AKNAD1: variants seen among roughly 807,000 people sequenced by gnomAD.
The protein encoded by AKNAD1 is AKNA domain containing 1, also known as protein AKNAD1.
AKNAD1 carries 67 observed loss-of-function variants against 90.8 expected under a neutral mutation model. The observed-to-expected ratio is 0.74, with a 90% CI of 0.61 to 0.90. The LOEUF (loss-of-function observed/expected upper bound fraction) is 0.90. Among genes scored for constraint, AKNAD1 ranks in the 40% least tolerant of loss-of-function variants. The probability of loss-of-function intolerance (pLI) is 0.00; values close to 1 mark genes in which losing one functional copy is unlikely to be tolerated. For missense variants in AKNAD1, 957 were observed against 975.4 expected (o/e 0.98, Z 0.25); for synonymous variants, 327 against 341.4 (o/e 0.96, Z 0.46).
At chr1:108,844,397 T>TATATATATATATATATATATATATAC (rs1557835399) in intron 5 of AKNAD1, among the ~76,000 whole-genome samples, 2 of 147,628 alleles carry the variant, frequency 1.4e-5, no homozygotes, top group African/African-American at 5.1e-5. Flanking sequence ...TATATATATA[T>TATATATATATATATATATATATATAC]ACCAAAGCCA....
At chr1:108,825,710 C>T (rs1274900340) in intron 11 of AKNAD1, among the ~76,000 whole-genome samples, 2 of 151,242 alleles carry the variant, frequency 1.3e-5, no homozygotes, top group Admixed American at 6.6e-5. Context: ...TTTGCTTGTG[C>T]AAATCATTTA....
intron 1 of AKNAD1, among the ~76,000 whole-genome samples, chr1:108,854,646 A>G (rs1381539004): frequency 1.3e-5 from 2 of 152,214 alleles, no homozygotes; most frequent in Non-Finnish European, 2.9e-5. Context: ...GTGGAGAGAA[A>G]GGAGAATATC....
intron 5 of AKNAD1, among the ~76,000 whole-genome samples, chr1:108,845,692 G>A (rs565676158): frequency 6.6e-6 from 1 of 152,336 alleles, no homozygotes; most frequent in South Asian, 2.1e-4. Context: ...CTCAGCTTGG[G>A]AAGTGAGAAG....
intron 6 of AKNAD1, among the ~76,000 whole-genome samples, chr1:108,839,675 A>G (rs918769184): frequency 1.1e-4 from 16 of 152,292 alleles, no homozygotes; most frequent in African/African-American, 3.8e-4. Context: ...TCTCTTGATG[A>G]AGCTTATCTA....
chr1:108,834,443 T>C lies in AKNAD1; in HGVS notation c.1746+4A>G. ...CCAGCCAGGCCCCGGCTGCAGGACA[T>C]TACCCCAGAGTTAGAAGACAGCCTC... On this transcript the variant is annotated splice_donor_region_variant and intron_variant, in intron 9 of 15. Transcript: ENST00000370001. 1 of 1,606,240 alleles carries C rather than the reference T, an allele frequency of 6.2e-7. No individual in the cohort carries two copies. Among genetic ancestry groups the C allele is most frequent in the South Asian group, 1.1e-5 (1 of 89,400 alleles).
At chr1:108,851,076 G>C (rs1346499541) in intron 2 of AKNAD1, among the ~76,000 whole-genome samples, 1 of 152,218 alleles carries the variant, frequency 6.6e-6, no homozygotes, top group Non-Finnish European at 1.5e-5. Flanking sequence ...GCCTCTGGGG[G>C]AAATTAGGCA....
chr1:108,837,923 A>G (rs966310781), intron 6 of AKNAD1, among the ~76,000 whole-genome samples: 3 of 152,290 alleles, frequency 2.0e-5, no homozygotes, highest in Admixed American at 6.5e-5. Context: ...CCTTGTATAA[A>G]TCACTTAGTA....
chr1:108,832,246 CT>C, intron 9 of AKNAD1, among the ~76,000 whole-genome samples: 1 of 99,640 alleles, frequency 1.0e-5, no homozygotes, highest in East Asian at 3.2e-4. Flanking sequence ...GATGGAGTTT[CT>C]CTGTGTTGCC....
At chr1:108,824,171 C>T (rs528687392) in intron 11 of AKNAD1, among the ~76,000 whole-genome samples, 9 of 152,312 alleles carry the variant, frequency 5.9e-5, no homozygotes, top group Admixed American at 3.9e-4. Flanking sequence ...CATGACTTTG[C>T]TCTCTTAGCC....
chr1:108,856,717 C>CA (rs1471466457), intron 1 of AKNAD1, among the ~76,000 whole-genome samples: 1 of 143,526 alleles, frequency 7.0e-6, no homozygotes, highest in Non-Finnish European at 1.5e-5. Flanking sequence ...CTCTCTCTCT[C>CA]TCACACACAC....
intron 11 of AKNAD1, among the ~76,000 whole-genome samples, chr1:108,825,136 A>G (rs1288791581): frequency 1.3e-5 from 2 of 151,540 alleles, no homozygotes; most frequent in Non-Finnish European, 2.9e-5. Flanking sequence ...TTGGAAGCAG[A>G]TCTTCCAGCC....
At chr1:108,855,769 G>A (rs184463456) in intron 1 of AKNAD1, among the ~76,000 whole-genome samples, 114 of 151,448 alleles carry the variant, frequency 7.5e-4, no homozygotes, top group African/African-American at 2.7e-3. Context: ...CTGAGCAACA[G>A]CAAGACTCTG....
intron 11 of AKNAD1, among the ~76,000 whole-genome samples, chr1:108,825,887 T>A (rs1663981990): frequency 6.6e-6 from 1 of 151,800 alleles, no homozygotes; most frequent in East Asian, 2.0e-4. Flanking sequence ...CTAAAAAATT[T>A]AGTGAGAAGA....
intron 2 of AKNAD1, 42 bp from the exon 3 acceptor site, chr1:108,849,618 A>G (rs755826252): frequency 1.4e-6 from 2 of 1,379,926 alleles, no homozygotes; most frequent in Non-Finnish European, 2.1e-6. Flanking sequence ...GTCGATATTG[A>G]TCAATGACAC....
At chr1:108,838,058 T>G (rs1664437583) in intron 6 of AKNAD1, among the ~76,000 whole-genome samples, 1 of 152,228 alleles carries the variant, frequency 6.6e-6, no homozygotes, top group Non-Finnish European at 1.5e-5. Flanking sequence ...TGGAATTACT[T>G]GTTATGCTAA....
Position 108,837,582 on chromosome 1 carries a change from A to G in AKNAD1, c.1504T>C (p.Leu502=), listed in dbSNP as rs979453883. The G allele has an allele frequency of 5.0e-6, 8 of 1,614,200 alleles. No homozygotes were observed. The highest frequency in any genetic ancestry group is 4.4e-5 in the South Asian group (4 of 91,092). The change falls in exon 7 of 16, where the codon TTG becomes CTG. Residue 502 remains leucine, a synonymous_variant. Transcript: ENST00000370001. The part of the protein sequence containing the change: ...PVSSPVTLDD[L]ASTFSSLSNE... ...GAGAGTGAAGAGAAGGTGGAGGCCAAGTCATCCAGGGTAACTGGAGAACTC... is the reference window on the plus strand; with the variant it reads ...GAGAGTGAAGAGAAGGTGGAGGCCAGGTCATCCAGGGTAACTGGAGAACTC...
At chr1:108,838,815 T>A (rs779370078) in intron 6 of AKNAD1, among the ~76,000 whole-genome samples, 14 of 152,038 alleles carry the variant, frequency 9.2e-5, no homozygotes, top group African/African-American at 3.4e-4. Flanking sequence ...GTTTCTAGAA[T>A]AATATAAATT....
At chr1:108,831,094 T>C (rs1664182863) in intron 9 of AKNAD1, among the ~76,000 whole-genome samples, 1 of 152,228 alleles carries the variant, frequency 6.6e-6, no homozygotes, top group Non-Finnish European at 1.5e-5. Context: ...AGTAGAGCTC[T>C]AAAAGCCTTT....
At chr1:108,829,338 G>A (rs188049318) in intron 10 of AKNAD1, among the ~76,000 whole-genome samples, 7 of 148,826 alleles carry the variant, frequency 4.7e-5, no homozygotes, top group Non-Finnish European at 9.0e-5. Context: ...ATGTACTTCT[G>A]TAGGGTCTAG....
Sources: allele counts gnomAD v4.1 joint callset (sites outside exome capture counted in the v4.1 genomes callset), GRCh38; gene constraint gnomAD v4.1.1; transcripts MANE v1.5; gene names NCBI Gene and HGNC (gene_info 2026-07-23, HGNC 2026-07-21).